The following DGKI variants were observed in gnomAD, a reference collection of about 807,000 sequenced individuals.
DGKI encodes diacylglycerol kinase iota, also known as DAG kinase iota.
Under a neutral mutation model 147.5 loss-of-function variants are expected in DGKI, and 55 were observed. The ratio of observed to expected loss-of-function variants is 0.37; its 90% CI spans 0.30 to 0.47. DGKI has a LOEUF of 0.47. Ranked by LOEUF, DGKI falls within the 20% of genes least tolerant of loss-of-function variation. DGKI has a pLI of 1.00. For missense variants in DGKI, 1,007 were observed against 1,323.8 expected (o/e 0.76, Z 3.71); for synonymous variants, 469 against 477.1 (o/e 0.98, Z 0.22).
intron 1 of DGKI, among the ~76,000 whole-genome samples, chr7:137,788,663 C>T (rs1267870857): frequency 9.7e-5 from 6 of 61,712 alleles, no homozygotes; most frequent in Admixed American, 4.7e-4. Flanking sequence ...CACACACACA[C>T]ATACACACAC....
At chr7:137,418,821 G>C (rs968706548) in intron 28 of DGKI, among the ~76,000 whole-genome samples, 3 of 152,126 alleles carry the variant, frequency 2.0e-5, no homozygotes, top group African/African-American at 7.2e-5. Flanking sequence ...TGATTCACTG[G>C]GAATCATAAA....
intron 21 of DGKI, chr7:137,493,885 C>T (rs530298176): frequency 4.2e-5 from 27 of 642,828 alleles, no homozygotes; most frequent in East Asian, 8.3e-5. Flanking sequence ...TGAAGATCAT[C>T]GAGATTCAGG....
intron 27 of DGKI, among the ~76,000 whole-genome samples, chr7:137,445,470 T>G (rs1042402466): frequency 1.3e-5 from 2 of 152,196 alleles, no homozygotes; most frequent in East Asian, 3.9e-4. Context: ...AAGCACCATT[T>G]GGCCTCCCTG....
intron 1 of DGKI, among the ~76,000 whole-genome samples, chr7:137,690,627 C>G (rs1823570558): frequency 2.0e-5 from 3 of 152,104 alleles, no homozygotes; most frequent in African/African-American, 7.2e-5. Context: ...TAAGATAAAG[C>G]CTAAAAACAC....
intron 1 of DGKI, among the ~76,000 whole-genome samples, chr7:137,737,618 C>T (rs1795061467): frequency 6.6e-6 from 1 of 152,118 alleles, no homozygotes; most frequent in South Asian, 2.1e-4. Context: ...CATTTCCTAT[C>T]AACCCAAATT....
chr7:137,716,586 A>T (rs966535142), intron 1 of DGKI, among the ~76,000 whole-genome samples: 1 of 152,338 alleles, frequency 6.6e-6, no homozygotes, highest in South Asian at 2.1e-4. Context: ...AAAAGTAAAC[A>T]ATAATGTAGA....
chr7:137,757,118 G>T (rs138613176), intron 1 of DGKI, among the ~76,000 whole-genome samples: 1,914 of 151,806 alleles, frequency 0.013, 53 homozygotes, highest in African/African-American at 0.044. Context: ...ACTTTTCAAA[G>T]CACCACTGGT....
At chr7:137,419,319 C>A (rs760623676) in intron 28 of DGKI, among the ~76,000 whole-genome samples, 16 of 152,022 alleles carry the variant, frequency 1.1e-4, no homozygotes, top group Non-Finnish European at 2.1e-4. Flanking sequence ...TTGATCTTAT[C>A]ATGACTGAAG....
chr7:137,495,212 G>A (rs1397108790), intron 21 of DGKI, among the ~76,000 whole-genome samples: 4 of 151,856 alleles, frequency 2.6e-5, no homozygotes, highest in Non-Finnish European at 5.9e-5. Context: ...GTAAATTTCT[G>A]GAAATACACA....
intron 4 of DGKI, 47 bp downstream of exon 4, chr7:137,656,419 C>A: frequency 6.2e-7 from 1 of 1,601,214 alleles, no homozygotes; most frequent in Non-Finnish European, 8.5e-7. Flanking sequence ...CTCTGAAGAC[C>A]AAATACTTGC....
intron 6 of DGKI, among the ~76,000 whole-genome samples, chr7:137,642,353 G>C (rs956283377): frequency 6.6e-6 from 1 of 152,120 alleles, no homozygotes; most frequent in East Asian, 1.9e-4. Flanking sequence ...TGCAGCTCCT[G>C]GGAAGGGGTC....
chr7:137,805,816 C>T (rs1297126594), intron 1 of DGKI, among the ~76,000 whole-genome samples: 2 of 152,162 alleles, frequency 1.3e-5, no homozygotes, highest in East Asian at 3.8e-4. Flanking sequence ...GGTTCATGCT[C>T]TCATTTTCAA....
chr7:137,598,814 A>C (rs1819886706), intron 11 of DGKI, among the ~76,000 whole-genome samples: 1 of 152,152 alleles, frequency 6.6e-6, no homozygotes, highest in Admixed American at 6.5e-5. Context: ...GGCACATCCC[A>C]GGATAGCAGA....
At chr7:137,697,474 T>C (rs573230826) in intron 1 of DGKI, among the ~76,000 whole-genome samples, 4 of 152,288 alleles carry the variant, frequency 2.6e-5, no homozygotes, top group Non-Finnish European at 4.4e-5. Context: ...TTGAGATTGA[T>C]AAAAGTCGGG....
intron 1 of DGKI, among the ~76,000 whole-genome samples, chr7:137,745,245 C>G (rs1248023675): frequency 6.6e-6 from 1 of 152,112 alleles, no homozygotes; most frequent in Non-Finnish European, 1.5e-5. Context: ...TTTGATGACC[C>G]CTTTGTTTAT....
At chr7:137,552,599 GAGTT>G (rs745439468) in intron 19 of DGKI, 31 bp from the exon 20 acceptor site, 1 of 1,609,072 alleles carries the variant, frequency 6.2e-7, no homozygotes, top group South Asian at 1.1e-5. Context: ...GGGGAGCAAG[GAGTT>G]AGTTATTATT....
intron 28 of DGKI, among the ~76,000 whole-genome samples, chr7:137,439,990 G>A (rs1026569093): frequency 1.1e-4 from 17 of 152,212 alleles, no homozygotes; most frequent in African/African-American, 4.1e-4. Flanking sequence ...TGCTGGCACA[G>A]GTAGCAGCAG....
rs1190871120 is a variant in DGKI at position 137,381,288 on chromosome 7, A to ACC, written c.*9930_*9931dup. On this transcript the variant is annotated 3_prime_UTR_variant, in exon 33 of 33. Transcript: ENST00000614521. ...ACTTCATTCTTCCCTTTCCCATCCC[A>ACC]CCCCCCCCCCCCCACCCACCCTCCC... 9.9e-4 allele frequency: 9 copies of ACC among 9,090 alleles called. No individual in the cohort carries two copies. The highest frequency in any genetic ancestry group is 7.6e-3 in the East Asian group (1 of 132). The allele number at this position is 9,090 out of a possible 1,614,324, so 0.6% of individuals were successfully genotyped here.
intron 15 of DGKI, among the ~76,000 whole-genome samples, chr7:137,579,223 G>A (rs1369612914): frequency 7.2e-5 from 11 of 151,886 alleles, no homozygotes; most frequent in Admixed American, 4.6e-4. Flanking sequence ...CCATGAAGCC[G>A]CAGACAGTGC....
Sources: gnomAD v4.1 joint callset for allele counts (sites outside exome capture counted in the v4.1 genomes callset) on GRCh38, gnomAD v4.1.1 for gene constraint, MANE v1.5 for transcripts, NCBI Gene and HGNC (gene_info 2026-07-23, HGNC 2026-07-21) for gene names.